THSD7B: variants seen among roughly 807,000 people sequenced by gnomAD.
The protein encoded by THSD7B is thrombospondin type 1 domain containing 7B.
Under a neutral mutation model 213.6 loss-of-function variants are expected in THSD7B, and 138 were observed. That is an observed-to-expected ratio of 0.65 (90% CI 0.56 to 0.74). THSD7B has a LOEUF of 0.74. Among genes scored for constraint, THSD7B ranks in the 30% least tolerant of loss-of-function variants. THSD7B has a pLI of 0.00. For missense variants in THSD7B, 1,931 were observed against 1,991.5 expected, an observed-to-expected ratio of 0.97 and a Z score of 0.58; for synonymous variants, 742 against 687.0, an observed-to-expected ratio of 1.08 and a Z score of -1.25.
intron 7 of THSD7B, among the ~76,000 whole-genome samples, chr2:137,194,570 T>A (rs549473260): frequency 6.6e-6 from 1 of 152,352 alleles, no homozygotes; most frequent in African/African-American, 2.4e-5. Context: ...AAAGAACAAG[T>A]GTATCTTTAC....
intron 12 of THSD7B, among the ~76,000 whole-genome samples, chr2:137,277,400 T>C (rs945668160): frequency 2.0e-5 from 3 of 152,072 alleles, no homozygotes; most frequent in African/African-American, 7.2e-5. Context: ...ATTAGAGCAT[T>C]CCTGGTGTTT....
At chr2:137,262,455 G>GA (rs576126238) in intron 10 of THSD7B, among the ~76,000 whole-genome samples, 150 of 139,316 alleles carry the variant, frequency 1.1e-3, no homozygotes, top group South Asian at 1.6e-3. Flanking sequence ...AGGATTTGCG[G>GA]AAAAAAAAAA....
intron 2 of THSD7B, among the ~76,000 whole-genome samples, chr2:136,939,336 A>G (rs955328792): frequency 3.9e-5 from 6 of 152,180 alleles, no homozygotes; most frequent in Non-Finnish European, 5.9e-5. Context: ...TCTCCAGTCA[A>G]TTCTGGAATG....
chr2:137,445,282 A>C (rs2105058877), intron 14 of THSD7B, among the ~76,000 whole-genome samples: 1 of 152,194 alleles, frequency 6.6e-6, no homozygotes, highest in South Asian at 2.1e-4. Context: ...AAAGGGAATC[A>C]ATATATCAAA....
intron 12 of THSD7B, among the ~76,000 whole-genome samples, chr2:137,345,904 C>A (rs1684865791): frequency 6.6e-6 from 1 of 151,550 alleles, no homozygotes; most frequent in South Asian, 2.1e-4. Context: ...TATATACACA[C>A]CCATATATTT....
intron 27 of THSD7B, 95 bp downstream of exon 27, chr2:137,667,956 C>A: frequency 9.9e-7 from 1 of 1,009,668 alleles, no homozygotes; most frequent in Non-Finnish European, 1.4e-6. Flanking sequence ...CCCATTATAA[C>A]AGGATTCTTG....
chr2:137,272,449 C>T, intron 10 of THSD7B, 84 bp from the exon 11 acceptor site: 1 of 1,384,352 alleles, frequency 7.2e-7, no homozygotes, highest in Non-Finnish European at 9.6e-7. Context: ...TTATCTCTCT[C>T]TCTTTTTTTT....
At chr2:137,550,924 C>G (rs1047644703) in intron 15 of THSD7B, among the ~76,000 whole-genome samples, 2 of 151,956 alleles carry the variant, frequency 1.3e-5, no homozygotes, top group Admixed American at 1.3e-4. Context: ...CGTCTGTACA[C>G]CAAACCCCTG....
At chr2:137,223,329 C>T (rs1463316793) in intron 7 of THSD7B, among the ~76,000 whole-genome samples, 1 of 152,134 alleles carries the variant, frequency 6.6e-6, no homozygotes, top group Non-Finnish European at 1.5e-5. Context: ...ATGGCAATAG[C>T]TCAGTTGGAG....
chr2:137,346,606 T>TA (rs1477844428), intron 12 of THSD7B, among the ~76,000 whole-genome samples: 1 of 151,704 alleles, frequency 6.6e-6, no homozygotes, highest in Admixed American at 6.6e-5. Context: ...AAGCACAACT[T>TA]ACAGTTCTTC....
chr2:137,486,327 A>G (rs1688442960), intron 15 of THSD7B, among the ~76,000 whole-genome samples: 1 of 148,094 alleles, frequency 6.8e-6, no homozygotes, highest in Admixed American at 6.8e-5. Flanking sequence ...GAAAACAAAA[A>G]AAGGCAGGAG....
chr2:136,906,217 C>T (rs754604738), intron 2 of THSD7B, among the ~76,000 whole-genome samples: 11 of 152,096 alleles, frequency 7.2e-5, no homozygotes, highest in South Asian at 2.1e-4. Context: ...TTCCAGATAA[C>T]GCTCAGTGTT....
intron 12 of THSD7B, among the ~76,000 whole-genome samples, chr2:137,387,717 C>T (rs1386508023): frequency 6.6e-6 from 1 of 152,132 alleles, no homozygotes; most frequent in Middle Eastern, 3.4e-3. Context: ...CTGAAGGACC[C>T]AGGATTTAAG....
intron 12 of THSD7B, among the ~76,000 whole-genome samples, chr2:137,404,462 T>TACACAC (rs1282968893): frequency 8.5e-5 from 7 of 81,916 alleles, no homozygotes; most frequent in South Asian, 4.6e-4. Flanking sequence ...TATATATATA[T>TACACAC]ATATATATAT....
chr2:137,264,877 G>T (rs1469771193), intron 10 of THSD7B, among the ~76,000 whole-genome samples: 1 of 150,980 alleles, frequency 6.6e-6, no homozygotes, highest in Non-Finnish European at 1.5e-5. Flanking sequence ...TGCACAATGT[G>T]CAGGTTAGTT....
chr2:137,629,990 A>T (rs1018376434), intron 20 of THSD7B, among the ~76,000 whole-genome samples: 1 of 144,286 alleles, frequency 6.9e-6, no homozygotes, highest in South Asian at 2.4e-4. Context: ...TTTGCGCCCA[A>T]CTTCAATTTT....
intron 14 of THSD7B, among the ~76,000 whole-genome samples, chr2:137,439,578 A>G (rs1372386735): frequency 6.6e-6 from 1 of 152,116 alleles, no homozygotes. Context: ...AAACAAAATT[A>G]TTGGTAATGG....
In THSD7B at chr2:137,413,032, T is replaced by C. The variant is rs533005340; in HGVS notation, c.2959+1160T>C. Among the ~76,000 whole-genome samples, 3 of 152,302 alleles carry C rather than the reference T, an allele frequency of 2.0e-5. No homozygotes were observed. The East Asian group carries it at 5.8e-4, about 29-fold the overall frequency. ...CAGAAAATCAAATTCAATTATAATG[T>C]ACAAGCTAAGTAAATGATAGTTCTT... On this transcript the variant is annotated intron_variant, in intron 14 of 27. Coordinates refer to ENST00000409968, the MANE Select transcript of THSD7B (RefSeq NM_001316349.2).
chr2:136,924,406 G>A (rs865843123), intron 2 of THSD7B, among the ~76,000 whole-genome samples: 3 of 151,452 alleles, frequency 2.0e-5, no homozygotes, highest in Non-Finnish European at 4.4e-5. Context: ...TCATTCTTTT[G>A]CATGTGGATA....
Sources: allele counts gnomAD v4.1 joint callset (sites outside exome capture counted in the v4.1 genomes callset), GRCh38; gene constraint gnomAD v4.1.1; transcripts MANE v1.5; gene names NCBI Gene and HGNC (gene_info 2026-07-23, HGNC 2026-07-21).